Variants in ZFAND3 observed in about 807,000 individuals in gnomAD.
ZFAND3 encodes AN1-type zinc finger protein 3.
A neutral mutation model predicts 29.6 loss-of-function variants in ZFAND3; 10 were observed. The ratio of observed to expected loss-of-function variants is 0.34; its 90% CI spans 0.21 to 0.57. ZFAND3 has a LOEUF of 0.57. ZFAND3 is among the 20% of genes least tolerant of loss of function. The pLI, the probability that ZFAND3 is intolerant of heterozygous loss-of-function variation, is 0.86. For missense variants in ZFAND3, 230 were observed against 304.5 expected (o/e 0.76, Z 1.82); for synonymous variants, 128 against 112.6 (o/e 1.14, Z -0.87).
chr6:38,003,460 A>G (rs1420418673), intron 2 of ZFAND3: 1 of 163,462 alleles, frequency 6.1e-6, no homozygotes, highest in African/African-American at 2.4e-5. Context: ...AATTAATGAA[A>G]TATGAGTAAA....
chr6:37,842,040 C>T (rs1002778941), intron 1 of ZFAND3, among the ~76,000 whole-genome samples: 1 of 152,092 alleles, frequency 6.6e-6, no homozygotes, highest in Admixed American at 6.5e-5. Flanking sequence ...CCTTATGTGG[C>T]GGAAGGGTCT....
rs558986502 is a variant in ZFAND3 at position 38,024,800 on chromosome 6, A to G, written c.113-36793A>G. Among the ~76,000 whole-genome samples the G allele has an allele frequency of 4.6e-5, 7 of 152,310 alleles. No homozygotes were observed. The South Asian group carries it at 8.3e-4, about 18-fold the overall frequency. On this transcript the variant is annotated intron_variant, in intron 2 of 5. Transcript: ENST00000287218. The stretch of plus-strand genomic sequence containing the variant: ...CTCAGATTGGTGGTTACCAGGGGCA[A>G]TAGGAGAGGGAATGGGGAGCAATTG...
Position 38,024,099 on chromosome 6 carries a change from T to C in ZFAND3, c.113-37494T>C, listed in dbSNP as rs1163273914. ...CAACTGTAGAAATCACTGGGTTCAG[T>C]ATTCCTTTCTTTAAAAATGTATGAT... On this transcript the variant is annotated intron_variant, in intron 2 of 5. Transcript: ENST00000287218. Among the ~76,000 whole-genome samples the C allele has an allele frequency of 2.6e-5, 4 of 152,330 alleles. No individual in the cohort carries two copies. The East Asian group carries it at 7.7e-4, about 29-fold the overall frequency.
intron 3 of ZFAND3, among the ~76,000 whole-genome samples, chr6:38,065,417 C>A (rs1373154236): frequency 6.6e-6 from 1 of 152,004 alleles, no homozygotes; most frequent in East Asian, 1.9e-4. Flanking sequence ...CTGAAGAAGT[C>A]AGGAGGAGAA....
intron 2 of ZFAND3, among the ~76,000 whole-genome samples, chr6:37,963,052 C>T (rs926787905): frequency 1.3e-4 from 20 of 152,130 alleles, no homozygotes; most frequent in African/African-American, 4.1e-4. Context: ...GAAGAAACTC[C>T]GAGTACATCT....
chr6:38,018,944 CTT>C (rs1055183500), intron 2 of ZFAND3, among the ~76,000 whole-genome samples: 15 of 151,956 alleles, frequency 9.9e-5, no homozygotes, highest in African/African-American at 3.6e-4. Flanking sequence ...AGAGAAGAAA[CTT>C]TTTATTTTTG....
At chr6:38,041,551 A>T (rs1763761017) in intron 2 of ZFAND3, among the ~76,000 whole-genome samples, 1 of 150,882 alleles carries the variant, frequency 6.6e-6, no homozygotes. Flanking sequence ...TGATGCTCAG[A>T]TTGTCCCAGA....
At chr6:38,112,088 T>TC (rs1765332103) in intron 4 of ZFAND3, among the ~76,000 whole-genome samples, 1 of 152,182 alleles carries the variant, frequency 6.6e-6, no homozygotes, top group Admixed American at 6.5e-5. Flanking sequence ...AGATTTTCCT[T>TC]CCTTATTTAA....
chr6:38,013,943 A>T (rs1056372105), intron 2 of ZFAND3, among the ~76,000 whole-genome samples: 4 of 152,144 alleles, frequency 2.6e-5, no homozygotes, highest in Admixed American at 6.5e-5. Flanking sequence ...GCTTTTGGGG[A>T]AAATACTTTT....
Position 38,093,418 on chromosome 6 carries a change from T to C in ZFAND3, c.361+10961T>C, listed in dbSNP as rs564509689. ...TTTCAGTTTCTGATGAGTTAAATTA[T>C]TATAGTCCTATAGAAAATTATAAAT... is the stretch of plus-strand genomic sequence containing the variant. On this transcript the variant is annotated intron_variant, in intron 4 of 5. Coordinates refer to ENST00000287218, the MANE Select transcript of ZFAND3 (RefSeq NM_021943.3). Among the ~76,000 whole-genome samples, 5 of 152,330 alleles carry C rather than the reference T, an allele frequency of 3.3e-5. No individual in the cohort carries two copies. In the South Asian group the frequency reaches 1.0e-3, roughly 32 times the overall value.
At chr6:38,085,845 T>G (rs1305782360) in intron 4 of ZFAND3, among the ~76,000 whole-genome samples, 1 of 152,208 alleles carries the variant, frequency 6.6e-6, no homozygotes, top group African/African-American at 2.4e-5. Flanking sequence ...TAATGACTTC[T>G]TCAGTAAACA....
chr6:38,099,174 G>A (rs889193437), intron 4 of ZFAND3, among the ~76,000 whole-genome samples: 8 of 152,136 alleles, frequency 5.3e-5, no homozygotes, highest in Non-Finnish European at 1.0e-4. Context: ...TAAAATCTGG[G>A]TAAGAAAGAC....
chr6:38,144,968 C>T lies in ZFAND3; in HGVS notation c.530-7267C>T, dbSNP rs192190364. 1.8e-3 allele frequency among the ~76,000 whole-genome samples: 277 copies of T among 152,332 alleles called. 2 individuals are homozygous for T. Among genetic ancestry groups the T allele is most frequent in the African/African-American group, 6.4e-3 (268 of 41,566 alleles). The stretch of plus-strand genomic sequence containing the variant: ...CAACTTTTGTGACTTTCAGCATCAC[C>T]TTCTTTGTCTCCCTCAGGAAATTCT... On this transcript the variant is annotated intron_variant, in intron 5 of 5. Coordinates refer to ENST00000287218, the MANE Select transcript of ZFAND3 (RefSeq NM_021943.3).
At chr6:38,069,337 CTGTGTGTG>C (rs1257325425) in intron 3 of ZFAND3, among the ~76,000 whole-genome samples, 1 of 152,078 alleles carries the variant, frequency 6.6e-6, no homozygotes, top group Non-Finnish European at 1.5e-5. Context: ...TTACAGTTCT[CTGTGTGTG>C]TGTCTTTCTC....
intron 2 of ZFAND3, among the ~76,000 whole-genome samples, chr6:38,019,472 T>C (rs1252486659): frequency 6.6e-6 from 1 of 152,206 alleles, no homozygotes; most frequent in Non-Finnish European, 1.5e-5. Context: ...GTGTTGCAAA[T>C]ATTTTCTCCA....
chr6:38,041,961 C>G (rs1393085943), intron 2 of ZFAND3, among the ~76,000 whole-genome samples: 1 of 149,918 alleles, frequency 6.7e-6, no homozygotes, highest in African/African-American at 2.5e-5. Flanking sequence ...CTCAGCCTCC[C>G]AAGTAGCTGG....
intron 2 of ZFAND3, among the ~76,000 whole-genome samples, chr6:37,967,086 A>AT (rs1363095806): frequency 6.6e-6 from 1 of 152,158 alleles, no homozygotes; most frequent in African/African-American, 2.4e-5. Context: ...CATTAGGGTG[A>AT]TATCTGCTGG....
At chr6:37,974,398 C>CTTTT (rs1467229897) in intron 2 of ZFAND3, among the ~76,000 whole-genome samples, 87 of 89,618 alleles carry the variant, frequency 9.7e-4, no homozygotes, top group African/African-American at 3.6e-3. Context: ...CTCTCTCTCT[C>CTTTT]TCTCTTTTTT....
rs899239691 is a variant in ZFAND3, at chr6:37,845,329, AT to A, written c.71+25323del. Among the ~76,000 whole-genome samples, 346 of 148,098 alleles carry A rather than the reference AT, an allele frequency of 2.3e-3. 1 individual carries two copies. Among genetic ancestry groups the A allele is most frequent in the African/African-American group, 7.9e-3 (321 of 40,440 alleles). On this transcript the variant is annotated intron_variant, in intron 1 of 5. Coordinates refer to ENST00000287218, the MANE Select transcript of ZFAND3 (RefSeq NM_021943.3). ...TATATACACCCTCCTTATCACTCAC[AT>A]TTTTTTTTTGTTTTTTAATTTTCTT...
Sources: gnomAD v4.1 joint callset for allele counts (sites outside exome capture counted in the v4.1 genomes callset) on GRCh38, gnomAD v4.1.1 for gene constraint, MANE v1.5 for transcripts, NCBI Gene and HGNC (gene_info 2026-07-23, HGNC 2026-07-21) for gene names.